PLEKHA6: variants seen among roughly 807,000 people sequenced by gnomAD.
The protein encoded by PLEKHA6 is pleckstrin homology domain-containing family A member 6.
In PLEKHA6, 60 loss-of-function variants were observed where a neutral mutation model predicts 116.7. The observed-to-expected ratio is 0.51, with a 90% CI of 0.42 to 0.64. The LOEUF is 0.64. Ranked by LOEUF, PLEKHA6 falls within the 30% of genes least tolerant of loss-of-function variation. The pLI is 0.00. For missense variants in PLEKHA6, 1,338 were observed against 1,422.7 expected (o/e 0.94, Z 0.96); for synonymous variants, 489 against 556.1 (o/e 0.88, Z 1.70).
intron 1 of PLEKHA6, chr1:204,309,814 G>A (rs7531450): frequency 0.19 from 78,387 of 419,986 alleles, 8,158 homozygotes; most frequent in East Asian, 0.58. Flanking sequence ...AACTTTTTAT[G>A]TAAAGGGTTA....
At chr1:204,280,564 C>A in intron 1 of PLEKHA6, 2 of 474,580 alleles carry the variant, frequency 4.2e-6, no homozygotes, top group Non-Finnish European at 2.8e-6. Context: ...TGGCTTCCAG[C>A]ATTACAGCTC....
At position 204,259,236 on chromosome 1, in the gene PLEKHA6, C is replaced by T. The variant is rs1412216224; in HGVS notation, c.1007+22G>A. The T allele has an allele frequency of 1.2e-6, 2 of 1,609,012 alleles. No homozygotes were observed. The highest frequency in any genetic ancestry group is 1.7e-5 in the Admixed American group (1 of 59,886). On this transcript the variant is annotated intron_variant, in intron 8 of 22. Coordinates refer to ENST00000272203, the MANE Select transcript of PLEKHA6 (RefSeq NM_014935.5). The surrounding 1 kb of genome is among the most constrained non-coding windows in gnomAD (Gnocchi z 4.6). ...AGCCATAATACCATATCAGCCCCACCCCAGCCGCCGGCATGCCTCACCTCC... is the reference window on the plus strand; with the variant it reads ...AGCCATAATACCATATCAGCCCCACTCCAGCCGCCGGCATGCCTCACCTCC...
chr1:204,344,113 A>G (rs1672943081), intron 1 of PLEKHA6, among the ~76,000 whole-genome samples: 1 of 152,080 alleles, frequency 6.6e-6, no homozygotes, highest in African/African-American at 2.4e-5. Flanking sequence ...ACGCAGCAAG[A>G]CCCTATCTCG....
chr1:204,283,962 T>C (rs548456785), intron 1 of PLEKHA6, among the ~76,000 whole-genome samples: 1 of 152,300 alleles, frequency 6.6e-6, no homozygotes, highest in East Asian at 1.9e-4. Context: ...ATGGAGCAGC[T>C]GTAGGGCAGG....
At chr1:204,252,739 T>C (rs922605445) in intron 9 of PLEKHA6, among the ~76,000 whole-genome samples, 4 of 152,214 alleles carry the variant, frequency 2.6e-5, no homozygotes, top group African/African-American at 7.2e-5. Flanking sequence ...CTACATGTTG[T>C]AGGCAGGGCA....
At chr1:204,375,994 G>A (rs977402197) in intron 1 of PLEKHA6, among the ~76,000 whole-genome samples, 1 of 151,590 alleles carries the variant, frequency 6.6e-6, no homozygotes, top group East Asian at 1.9e-4. Flanking sequence ...TCCCTGGAGA[G>A]CATTAGTTCT....
At chr1:204,262,934 T>C (rs1253433287) in intron 6 of PLEKHA6, among the ~76,000 whole-genome samples, 2 of 152,014 alleles carry the variant, frequency 1.3e-5, no homozygotes, top group Non-Finnish European at 2.9e-5. Context: ...CACAGGGTTA[T>C]TGTAGAGCGG....
chr1:204,265,107 G>T, intron 5 of PLEKHA6, 65 bp from the exon 6 acceptor site: 2 of 1,105,920 alleles, frequency 1.8e-6, no homozygotes, highest in East Asian at 2.4e-5. Context: ...GTGCGCCAGG[G>T]GTGGGGAGGA....
intron 1 of PLEKHA6, among the ~76,000 whole-genome samples, chr1:204,285,443 TTTG>T (rs1189351558): frequency 2.6e-5 from 4 of 152,000 alleles, no homozygotes; most frequent in South Asian, 2.1e-4. Context: ...TTTTGTTGTT[TTTG>T]TTGTTGTTGT....
upstream of PLEKHA6, among the ~76,000 whole-genome samples, chr1:204,363,134 G>A (rs553712619): frequency 1.7e-3 from 256 of 152,326 alleles, 1 homozygote; most frequent in African/African-American, 5.9e-3. Context: ...TGCTTTTGGT[G>A]GCTCCCCCGC....
chr1:204,263,042 G>A (rs1666334337), intron 6 of PLEKHA6, among the ~76,000 whole-genome samples: 1 of 152,348 alleles, frequency 6.6e-6, no homozygotes, highest in Non-Finnish European at 1.5e-5. Context: ...AGCAGCCTGT[G>A]TGTGCAGAAC....
chr1:204,299,251 C>A (rs1670581270), intron 1 of PLEKHA6, among the ~76,000 whole-genome samples: 1 of 152,160 alleles, frequency 6.6e-6, no homozygotes, highest in Non-Finnish European at 1.5e-5. Flanking sequence ...AAAAGGAAAG[C>A]AAACAGGAGG....
In PLEKHA6 at chr1:204,241,740, G is replaced by A. The variant is rs1477035764; in HGVS notation, c.2247C>T (p.Ser749=). 6.2e-7 allele frequency: 1 copy of A among 1,613,544 alleles called. No individual in the cohort carries two copies. Residue 749 remains serine (S), a synonymous_variant, in exon 16 of 23, where the codon AGC becomes AGT. Transcript: ENST00000272203. ...CTACCTCTTGCCTGGTGGGCACAAG[G>A]CTGATGTCTCTGGGGGTGTCCAGGG... is the stretch of plus-strand genomic sequence containing the variant. ...TLPLDTPRDI[S]LVPTRQEVEA... is the part of the protein sequence containing the mutation.
rs140541970 is a variant in PLEKHA6 at position 204,261,808 on chromosome 1, G to A, written c.382-360C>T. ...TTGATTTCAAAGGCAATGACCCCATGTCTGGGAGAGAGGACCCCCTGAGCA... is the reference window on the plus strand; with the variant it reads ...TTGATTTCAAAGGCAATGACCCCATATCTGGGAGAGAGGACCCCCTGAGCA... On this transcript the variant is annotated intron_variant, in intron 6 of 22. Transcript: ENST00000272203. The surrounding 1 kb of genome is among the most constrained non-coding windows in gnomAD (Gnocchi z 4.0). Among the ~76,000 whole-genome samples the A allele has an allele frequency of 2.7e-4, 41 of 152,350 alleles. No individual in the cohort carries two copies. The highest frequency in any genetic ancestry group is 4.4e-4 in the Non-Finnish European group (30 of 68,032).
rs931300988 is a variant in PLEKHA6 at position 204,251,468 on chromosome 1, C to T, written c.1525-854G>A. 8.3e-5 allele frequency: 57 copies of T among 688,440 alleles called. No homozygotes were observed. The African/African-American group carries it at 9.0e-4, about 11-fold the overall frequency. The allele number at this position is 688,440 out of a possible 1,614,324, so 42.6% of individuals were successfully genotyped here. On this transcript the variant is annotated intron_variant, in intron 9 of 22. Transcript: ENST00000272203. ...TGAGCCTCATCCTAGATGGGCAACT[C>T]GACCATGCACAAGCAGCTGAAATGG...
chr1:204,236,001 C>A (rs1337197735), intron 17 of PLEKHA6, among the ~76,000 whole-genome samples: 1 of 152,172 alleles, frequency 6.6e-6, no homozygotes, highest in African/African-American at 2.4e-5. Context: ...TCCCAGCAGG[C>A]CCCTAGAGGT....
chr1:204,317,174 T>C (rs1344049192), intron 1 of PLEKHA6: 1 of 846,326 alleles, frequency 1.2e-6, no homozygotes, highest in Non-Finnish European at 1.4e-6. Flanking sequence ...TCTCAGAAAG[T>C]TAAACCAAAG....
chr1:204,355,099 G>C (rs1306636597), intron 1 of PLEKHA6, among the ~76,000 whole-genome samples: 1 of 152,256 alleles, frequency 6.6e-6, no homozygotes, highest in Non-Finnish European at 1.5e-5. Flanking sequence ...GAGGGTCTTT[G>C]GAGGAACAGG....
intron 1 of PLEKHA6, chr1:204,275,619 G>C (rs4951058): frequency 1.3e-6 from 1 of 789,750 alleles, no homozygotes; most frequent in African/African-American, 1.9e-5. Flanking sequence ...TGGCTCCTCC[G>C]GCTGGCTGAG....
Sources: allele counts gnomAD v4.1 joint callset (sites outside exome capture counted in the v4.1 genomes callset), GRCh38; gene constraint gnomAD v4.1.1; non-coding constraint Gnocchi (gnomAD v3.1); transcripts MANE v1.5; gene names NCBI Gene and HGNC (gene_info 2026-07-23, HGNC 2026-07-21).